The following MYO16 variants were observed in gnomAD, a reference collection of about 807,000 sequenced individuals.
The protein encoded by MYO16 is myosin XVI.
Under a neutral mutation model 205.3 loss-of-function variants are expected in MYO16, and 94 were observed. The observed-to-expected ratio is 0.46, with a 90% CI of 0.39 to 0.54. The LOEUF (loss-of-function observed/expected upper bound fraction) is 0.54, where lower values mean the gene tolerates loss of function less well. Ranked by LOEUF, MYO16 falls within the 20% of genes least tolerant of loss-of-function variation. The pLI, the probability that MYO16 is intolerant of heterozygous loss-of-function variation, is 0.00. For missense variants in MYO16, 2,315 were observed against 2,387.5 expected (o/e 0.97, Z 0.63); for synonymous variants, 988 against 954.0 (o/e 1.04, Z -0.66).
chr13:108,534,713 A>G, the MYO16 span, among the ~76,000 whole-genome samples: 1 of 151,724 alleles, frequency 6.6e-6, no homozygotes, highest in African/African-American at 2.4e-5. Flanking sequence ...GTGAAAAGTA[A>G]TACCTGACAG....
At chr13:108,903,213 A>G (rs1057150327) in intron 15 of MYO16, among the ~76,000 whole-genome samples, 6 of 152,254 alleles carry the variant, frequency 3.9e-5, no homozygotes, top group East Asian at 3.8e-4. Flanking sequence ...GATCCATGGT[A>G]GGAAACAATC....
At chr13:109,020,882 CGAAGCCTATTCCT>C (rs1424106983) in intron 23 of MYO16, among the ~76,000 whole-genome samples, 3 of 152,114 alleles carry the variant, frequency 2.0e-5, no homozygotes, top group Non-Finnish European at 4.4e-5. Context: ...CAAAGATGAA[CGAAGCCTATTCCT>C]TGCCTTCAAA....
Position 109,120,417 on chromosome 13 carries a change from C to T in MYO16, c.3486C>T (p.Leu1162=). Residue 1162 remains leucine (L), a synonymous_variant, in exon 29 of 35, where the codon CTC becomes CTT. Transcript: ENST00000457511. Reference sequence around the variant, plus strand: ...TAAAATACTGGCATGCTGACCAACTCAATGATTTGTGCCTACAGTTGCAGA... The same window carrying T: ...TAAAATACTGGCATGCTGACCAACTTAATGATTTGTGCCTACAGTTGCAGA... ...VFLKYWHADQ[L]NDLCLQLQRK... The T allele has an allele frequency of 6.2e-7, 1 of 1,611,958 alleles. No homozygotes were observed. Among genetic ancestry groups the T allele is most frequent in the Non-Finnish European group, 8.5e-7 (1 of 1,179,154 alleles).
intron 16 of MYO16, among the ~76,000 whole-genome samples, chr13:108,924,645 TA>T (rs375260395): frequency 1.1e-3 from 172 of 152,316 alleles, no homozygotes; most frequent in African/African-American, 3.1e-3. Context: ...TGTTTTTCAT[TA>T]CTTTAGTCTC....
At chr13:108,504,670 G>T in the MYO16 span, among the ~76,000 whole-genome samples, 1 of 151,934 alleles carries the variant, frequency 6.6e-6, no homozygotes, top group Non-Finnish European at 1.5e-5. Context: ...CAAGTAGCTG[G>T]GACTACCGGC....
At chr13:108,834,301 C>G (rs770060646) in intron 9 of MYO16, among the ~76,000 whole-genome samples, 3 of 152,000 alleles carry the variant, frequency 2.0e-5, no homozygotes, top group Non-Finnish European at 4.4e-5. Flanking sequence ...GGCTCCTGTG[C>G]TCCACAAAAA....
the MYO16 span, among the ~76,000 whole-genome samples, chr13:108,566,389 G>C: frequency 6.6e-6 from 1 of 151,826 alleles, no homozygotes; most frequent in Non-Finnish European, 1.5e-5. Flanking sequence ...TTTAATCTCT[G>C]ATTTTCTTTA....
rs112886765 is a variant in MYO16, at chr13:109,199,261, A to G, written c.5416-7348A>G. On this transcript the variant is annotated intron_variant, in intron 34 of 34. Coordinates refer to ENST00000457511, the MANE Select transcript of MYO16 (RefSeq NM_001198950.3). ...ATATACCGTCATTTTGCCTCGCTCC[A>G]TCTCTGTGCCCTGGGTAACACTTTA... is the stretch of plus-strand genomic sequence containing the variant. 6.4e-3 allele frequency among the ~76,000 whole-genome samples: 780 copies of G among 122,656 alleles called. 10 individuals carry two copies. Among genetic ancestry groups the G allele is most frequent in the African/African-American group, 0.021 (721 of 33,950 alleles). The allele number at this position is 122,656 out of a possible 152,430, so 80.5% of individuals were successfully genotyped here.
chr13:109,077,339 C>A (rs1279982091), intron 27 of MYO16, among the ~76,000 whole-genome samples: 1 of 152,044 alleles, frequency 6.6e-6, no homozygotes, highest in Admixed American at 6.6e-5. Context: ...ATTTTTAGAG[C>A]AATTGCAGGT....
intron 11 of MYO16, among the ~76,000 whole-genome samples, chr13:108,859,326 C>A (rs1226708600): frequency 2.6e-5 from 4 of 152,214 alleles, no homozygotes; most frequent in African/African-American, 7.2e-5. Context: ...CTTCCTCAAC[C>A]AAAACCCTAA....
At chr13:108,573,294 C>A in the MYO16 span, among the ~76,000 whole-genome samples, 3 of 152,080 alleles carry the variant, frequency 2.0e-5, no homozygotes, top group East Asian at 3.8e-4. Context: ...CTTTTCTCAC[C>A]TTTTCAGTTT....
Position 108,730,876 on chromosome 13 carries a change from T to G in MYO16, c.507+3293T>G, listed in dbSNP as rs567307706. On this transcript the variant is annotated intron_variant, in intron 4 of 34. Transcript: ENST00000457511. ...ACTCCTTCTCTGTACTTTTATTTTATCTTCCTATTCTTTGATACATGCCCG... is the reference window on the plus strand; with the variant it reads ...ACTCCTTCTCTGTACTTTTATTTTAGCTTCCTATTCTTTGATACATGCCCG... 1.2e-3 allele frequency among the ~76,000 whole-genome samples: 180 copies of G among 152,358 alleles called. 1 individual carries two copies. The highest frequency in any genetic ancestry group is 4.1e-3 in the African/African-American group (169 of 41,588).
chr13:108,724,246 GA>G (rs1325042392), intron 3 of MYO16, among the ~76,000 whole-genome samples: 2 of 152,098 alleles, frequency 1.3e-5, no homozygotes, highest in Admixed American at 1.3e-4. Context: ...TGTCATATGC[GA>G]ATAATGGCAG....
At chr13:108,946,501 A>G (rs1419808856) in intron 16 of MYO16, among the ~76,000 whole-genome samples, 3 of 152,232 alleles carry the variant, frequency 2.0e-5, no homozygotes, top group Non-Finnish European at 2.9e-5. Flanking sequence ...ACTTCCAGGT[A>G]TGTGTAAACC....
intron 23 of MYO16, chr13:109,028,307 TAAA>T: frequency 4.4e-6 from 1 of 226,864 alleles, no homozygotes; most frequent in Non-Finnish European, 8.8e-6. Context: ...AATATAGTAT[TAAA>T]TACAGAAAAT....
chr13:108,970,412 T>C (rs1362622617), intron 20 of MYO16, among the ~76,000 whole-genome samples: 2 of 152,172 alleles, frequency 1.3e-5, no homozygotes, highest in African/African-American at 4.8e-5. Flanking sequence ...ACTTTTCTGG[T>C]CACTTTTAAA....
chr13:108,750,816 A>C (rs542873723), intron 4 of MYO16, among the ~76,000 whole-genome samples: 8 of 151,964 alleles, frequency 5.3e-5, no homozygotes, highest in Non-Finnish European at 1.0e-4. Flanking sequence ...CAAACAACAA[A>C]AAAAATTCTG....
At chr13:108,842,012 G>T (rs888138520) in intron 9 of MYO16, among the ~76,000 whole-genome samples, 3 of 151,994 alleles carry the variant, frequency 2.0e-5, no homozygotes, top group Non-Finnish European at 4.4e-5. Context: ...AGGAAAACTG[G>T]ATATTCACAT....
chr13:108,607,687 C>T (rs1187961592), intron 1 of MYO16, among the ~76,000 whole-genome samples: 1 of 152,146 alleles, frequency 6.6e-6, no homozygotes, highest in Non-Finnish European at 1.5e-5. Flanking sequence ...CATGTACTTG[C>T]TCCCAGACTC....
Sources: allele counts gnomAD v4.1 joint callset (sites outside exome capture counted in the v4.1 genomes callset), GRCh38; gene constraint gnomAD v4.1.1; transcripts MANE v1.5; gene names NCBI Gene and HGNC (gene_info 2026-07-23, HGNC 2026-07-21).